NCKAP5: variants seen among roughly 807,000 people sequenced by gnomAD.
NCKAP5 encodes the protein nck-associated protein 5.
A neutral mutation model predicts 167.0 loss-of-function variants in NCKAP5; 92 were observed. That is an observed-to-expected ratio of 0.55 (90% CI 0.47 to 0.66). NCKAP5 has a LOEUF of 0.66. NCKAP5 is among the 30% of genes least tolerant of loss of function. The pLI, the probability that NCKAP5 is intolerant of heterozygous loss-of-function variation, is 0.00. For synonymous variants in NCKAP5, 891 were observed against 877.4 expected (o/e 1.02, Z -0.27); for missense variants, 2,378 against 2,315.0 (o/e 1.03, Z -0.56).
chr2:132,828,458 C>T (rs1047745212), intron 11 of NCKAP5, among the ~76,000 whole-genome samples: 7 of 152,094 alleles, frequency 4.6e-5, no homozygotes, highest in Non-Finnish European at 8.8e-5. Context: ...CTTGCTCCTG[C>T]TCCAGCCATG....
At chr2:133,072,434 C>A (rs1046273371) in intron 6 of NCKAP5, among the ~76,000 whole-genome samples, 1 of 152,098 alleles carries the variant, frequency 6.6e-6, no homozygotes, top group African/African-American at 2.4e-5. Context: ...CAGCCCTCCA[C>A]CATAACAATA....
At chr2:132,855,766 C>T (rs1241442572) in intron 11 of NCKAP5, among the ~76,000 whole-genome samples, 1 of 152,194 alleles carries the variant, frequency 6.6e-6, no homozygotes, top group Non-Finnish European at 1.5e-5. Context: ...AGGCTACCTG[C>T]TTAACTAGTC....
intron 3 of NCKAP5, among the ~76,000 whole-genome samples, chr2:133,382,185 C>G (rs373523041): frequency 6.6e-6 from 1 of 152,152 alleles, no homozygotes; most frequent in Admixed American, 6.5e-5. Flanking sequence ...TCAAATTCAA[C>G]GAACATCATC....
At chr2:133,400,094 C>T (rs1688001768) in intron 3 of NCKAP5, among the ~76,000 whole-genome samples, 1 of 152,106 alleles carries the variant, frequency 6.6e-6, no homozygotes, top group South Asian at 2.1e-4. Flanking sequence ...TATCCAAATA[C>T]CCCCACTCCC....
chr2:133,136,766 CA>C (rs1368467729), intron 5 of NCKAP5, among the ~76,000 whole-genome samples: 3 of 152,142 alleles, frequency 2.0e-5, no homozygotes, highest in African/African-American at 7.2e-5. Flanking sequence ...TAGAAAAACA[CA>C]TGAGCTCATT....
At chr2:133,408,138 T>C (rs76101103) in intron 3 of NCKAP5, among the ~76,000 whole-genome samples, 3,563 of 152,226 alleles carry the variant, frequency 0.023, 134 homozygotes, top group African/African-American at 0.081. Flanking sequence ...TAATGTATTT[T>C]TCTTTCTCCT....
chr2:133,404,693 T>C (rs1688314405), intron 3 of NCKAP5, among the ~76,000 whole-genome samples: 1 of 152,250 alleles, frequency 6.6e-6, no homozygotes, highest in South Asian at 2.1e-4. Context: ...TATCTTTTTA[T>C]ACTTGTGTTA....
the NCKAP5 span, among the ~76,000 whole-genome samples, chr2:133,613,088 C>T: frequency 6.6e-6 from 1 of 152,184 alleles, no homozygotes; most frequent in Non-Finnish European, 1.5e-5. Flanking sequence ...GATCTGCTGC[C>T]ATTCCAACCC....
chr2:133,252,201 G>A (rs2088377157), intron 4 of NCKAP5, among the ~76,000 whole-genome samples: 1 of 152,106 alleles, frequency 6.6e-6, no homozygotes, highest in African/African-American at 2.4e-5. Context: ...CAGAAGCTTG[G>A]TTTTCAGATG....
chr2:132,866,911 C>T (rs1209999562), intron 10 of NCKAP5, among the ~76,000 whole-genome samples: 4 of 152,086 alleles, frequency 2.6e-5, no homozygotes, highest in Non-Finnish European at 4.4e-5. Context: ...CTTTTTGCAG[C>T]AATTTTACAG....
chr2:133,075,415 G>C (rs751705496), intron 6 of NCKAP5, among the ~76,000 whole-genome samples: 1 of 152,168 alleles, frequency 6.6e-6, no homozygotes, highest in African/African-American at 2.4e-5. Flanking sequence ...CAGAAATGAG[G>C]GAAGAGCAAA....
At chr2:132,802,252 G>C (rs911505074) in intron 11 of NCKAP5, among the ~76,000 whole-genome samples, 5 of 152,178 alleles carry the variant, frequency 3.3e-5, no homozygotes, top group African/African-American at 7.2e-5. Context: ...ACCTTGGCTA[G>C]CTGCTTATTT....
Position 132,783,436 on chromosome 2 carries a change from G to T in NCKAP5, c.3375C>A (p.Ala1125=). Reference sequence around the variant, plus strand: ...AACCATGAGGGCTGTTATGGCTTTTGGCGGGTGATGAGGATGATGAGGAAC... The same window carrying T: ...AACCATGAGGGCTGTTATGGCTTTTTGCGGGTGATGAGGATGATGAGGAAC... The part of the protein sequence containing the change: ...VSSSSSSSSP[A]KSHNSPHGCQ... The change falls in exon 14 of 20, where the codon GCC becomes GCA. Residue 1125 remains alanine, a synonymous_variant. Transcript: ENST00000409261. 6.3e-7 allele frequency: 1 copy of T among 1,585,682 alleles called. No homozygotes were observed. The highest frequency in any genetic ancestry group is 2.2e-5 in the East Asian group (1 of 44,716).
chr2:133,655,837 A>C, the NCKAP5 span, among the ~76,000 whole-genome samples: 1 of 152,178 alleles, frequency 6.6e-6, no homozygotes, highest in African/African-American at 2.4e-5. Flanking sequence ...GAGCAGATGG[A>C]GGTCTGAAGG....
intron 3 of NCKAP5, among the ~76,000 whole-genome samples, chr2:133,403,213 G>T (rs1177587024): frequency 6.6e-6 from 1 of 152,138 alleles, no homozygotes; most frequent in African/African-American, 2.4e-5. Flanking sequence ...TGTAAAACTA[G>T]GTTCACTAGG....
chr2:133,625,749 T>C, the NCKAP5 span, among the ~76,000 whole-genome samples: 9 of 151,642 alleles, frequency 5.9e-5, no homozygotes, highest in African/African-American at 2.2e-4. Flanking sequence ...CGGGCACCTG[T>C]AGTCCCAGCT....
chr2:133,665,686 G>T, the NCKAP5 span, among the ~76,000 whole-genome samples: 4 of 150,332 alleles, frequency 2.7e-5, no homozygotes, highest in African/African-American at 9.7e-5. Flanking sequence ...CTTAATGCAG[G>T]GTTGTCACAA....
At chr2:133,046,482 G>C (rs2079404208) in intron 6 of NCKAP5, among the ~76,000 whole-genome samples, 2 of 152,032 alleles carry the variant, frequency 1.3e-5, no homozygotes, top group South Asian at 4.1e-4. Flanking sequence ...CAGCTCAAGT[G>C]ATCCTCCGAC....
chr2:133,304,876 T>C (rs978001734), intron 3 of NCKAP5, among the ~76,000 whole-genome samples: 3 of 152,168 alleles, frequency 2.0e-5, no homozygotes, highest in Admixed American at 2.0e-4. Flanking sequence ...TTACGTGCTA[T>C]GAAGTAAACA....
Sources: gnomAD v4.1 joint callset for allele counts (sites outside exome capture counted in the v4.1 genomes callset) on GRCh38, gnomAD v4.1.1 for gene constraint, MANE v1.5 for transcripts, NCBI Gene and HGNC (gene_info 2026-07-23, HGNC 2026-07-21) for gene names.